The following TCF20 variants were observed in gnomAD, a reference collection of about 807,000 sequenced individuals.
TCF20 encodes SPRE-binding protein.
Under a neutral mutation model 148.6 loss-of-function variants are expected in TCF20, and 3 were observed. That is an observed-to-expected ratio of 0.02 (90% CI 0.01 to 0.05). The LOEUF is 0.05. Ranked by LOEUF, TCF20 falls within the 10% of genes least tolerant of loss-of-function variation. The pLI is 1.00. For synonymous variants in TCF20, 1,049 were observed against 909.5 expected (o/e 1.15, Z -2.76); for missense variants, 2,350 against 2,429.3 (o/e 0.97, Z 0.69).
Position 42,279,510 on chromosome 22 carries a change from A to G in TCF20, c.-37+4317T>C, listed in dbSNP as rs1307874273. ...ATAAAATAAGGAAGGACAGAGGGCA[A>G]TGTGACCTTCGGCAAGCTCCCTAAG... On this transcript the variant is annotated intron_variant, in intron 1 of 5. Transcript: ENST00000359486. The surrounding 1 kb of genome is among the most constrained non-coding windows in gnomAD (Gnocchi z 4.3). 6.6e-6 allele frequency among the ~76,000 whole-genome samples: 1 copy of G among 152,202 alleles called. No individual in the cohort carries two copies. Among genetic ancestry groups the G allele is most frequent in the East Asian group, 1.9e-4 (1 of 5,196 alleles).
intron 1 of TCF20, among the ~76,000 whole-genome samples, chr22:42,302,061 G>T (rs1057342141): frequency 6.6e-6 from 1 of 152,188 alleles, no homozygotes; most frequent in African/African-American, 2.4e-5. Flanking sequence ...CCACCTCTTA[G>T]CCCAGAGCAA....
At chr22:42,173,204 G>C (rs527564188) in intron 3 of TCF20, among the ~76,000 whole-genome samples, 2 of 147,576 alleles carry the variant, frequency 1.4e-5, no homozygotes, top group Admixed American at 1.3e-4. Flanking sequence ...TTTTTTTCTC[G>C]TCTTAATTGT....
intron 5 of TCF20, among the ~76,000 whole-genome samples, chr22:42,161,764 A>C (rs1313493601): frequency 1.3e-5 from 2 of 152,184 alleles, no homozygotes; most frequent in African/African-American, 4.8e-5. Flanking sequence ...CAATCTGTGG[A>C]AGAAACTTCT....
chr22:42,249,698 A>T lies in TCF20; in HGVS notation c.-37+20641T>A, dbSNP rs1428656949. Among the ~76,000 whole-genome samples the T allele has an allele frequency of 2.6e-5, 4 of 152,260 alleles. No individual in the cohort carries two copies. In the East Asian group the frequency reaches 7.7e-4, roughly 29 times the overall value. On this transcript the variant is annotated intron_variant, in intron 1 of 5. Coordinates refer to ENST00000677622, the MANE Select transcript of TCF20 (RefSeq NM_001378418.1). ...CTGGAGCAAGTGCTTTGAAGATCGC[A>T]GAAGTGAAAATACAGGCAAAAAATA...
At chr22:42,313,648 G>A (rs150702159) in intron 1 of TCF20, among the ~76,000 whole-genome samples, 1,977 of 136,916 alleles carry the variant, frequency 0.014, 41 homozygotes, top group African/African-American at 0.053. Flanking sequence ...CGCCCCAGCT[G>A]GAGTGCAGGG....
intron 3 of TCF20, among the ~76,000 whole-genome samples, chr22:42,172,326 G>T (rs999910436): frequency 1.3e-5 from 2 of 152,236 alleles, no homozygotes; most frequent in African/African-American, 4.8e-5. Flanking sequence ...AGCAGTAGGT[G>T]TAGTAAAACC....
At chr22:42,227,103 T>C (rs547568510) in intron 1 of TCF20, among the ~76,000 whole-genome samples, 1 of 152,212 alleles carries the variant, frequency 6.6e-6, no homozygotes, top group East Asian at 1.9e-4. Flanking sequence ...GCCATTACAG[T>C]GAAACCCCGT....
At chr22:42,280,963 C>T (rs1445976897) in intron 1 of TCF20, among the ~76,000 whole-genome samples, 1 of 152,170 alleles carries the variant, frequency 6.6e-6, no homozygotes, top group Non-Finnish European at 1.5e-5. Context: ...CAGGATTGAA[C>T]CCAGGCAGTC....
chr22:42,318,457 CG>C (rs1927674250), intron 1 of TCF20, among the ~76,000 whole-genome samples: 1 of 152,114 alleles, frequency 6.6e-6, no homozygotes, highest in Non-Finnish European at 1.5e-5. Context: ...TGCGGCGCAG[CG>C]GAACGGTAAA....
At chr22:42,295,261 C>G (rs1927211067) in intron 1 of TCF20, among the ~76,000 whole-genome samples, 1 of 152,102 alleles carries the variant, frequency 6.6e-6, no homozygotes, top group African/African-American at 2.4e-5. Context: ...CTAAACTCCT[C>G]TTTTGCTGCA....
In TCF20 at chr22:42,213,749, T is replaced by G. The variant is rs1420195548; in HGVS notation, c.1557A>C (p.Leu519Phe). The change falls in exon 2 of 6, where the codon TTA (leucine) becomes TTC (phenylalanine). Residue 519 changes from leucine (L) to phenylalanine (F), a missense_variant. Physicochemically the swap from Leu to Phe is conservative, Grantham distance 22. Transcript: ENST00000677622. Reference protein sequence around the residue: ...EQLKSPMAESLDGGCSSSSED... With the variant: ...EQLKSPMAESFDGGCSSSSED... The stretch of plus-strand genomic sequence containing the variant: ...CTGAACTGCTGGAGCAGCCTCCATC[T>G]AATGACTCTGCCATAGGGGACTTCA... 6 of 1,614,042 alleles carry G rather than the reference T, an allele frequency of 3.7e-6. No individual in the cohort carries two copies. The highest frequency in any genetic ancestry group is 2.7e-5 in the African/African-American group (2 of 74,936).
At chr22:42,310,148 G>A (rs1487805405) in intron 1 of TCF20, among the ~76,000 whole-genome samples, 1 of 152,254 alleles carries the variant, frequency 6.6e-6, no homozygotes, top group Non-Finnish European at 1.5e-5. Flanking sequence ...TCTAGGCAGA[G>A]GGAATTGTTT....
intron 1 of TCF20, among the ~76,000 whole-genome samples, chr22:42,264,808 A>G (rs2146987066): frequency 6.6e-6 from 1 of 152,268 alleles, no homozygotes; most frequent in Admixed American, 6.5e-5. Flanking sequence ...CCACCATCAC[A>G]TTTCCCATAC....
At chr22:42,288,596 C>G (rs1292360678), upstream of TCF20, among the ~76,000 whole-genome samples, 3 of 149,262 alleles carry the variant, frequency 2.0e-5, no homozygotes, top group Non-Finnish European at 4.4e-5. Context: ...CCCAGCTACT[C>G]GTGAGATTGA....
chr22:42,250,386 C>G (rs1480022780), intron 1 of TCF20, among the ~76,000 whole-genome samples: 5 of 141,910 alleles, frequency 3.5e-5, no homozygotes, highest in Non-Finnish European at 6.0e-5. Flanking sequence ...ACAAAGGTTG[C>G]AGTGAGCCGA....
intron 1 of TCF20, among the ~76,000 whole-genome samples, chr22:42,327,086 C>T (rs1056500804): frequency 2.6e-5 from 4 of 152,170 alleles, no homozygotes; most frequent in African/African-American, 4.8e-5. Context: ...CTCGCGGCAA[C>T]GATGAGGCGA....
At chr22:42,248,429 G>C (rs1925097955) in intron 1 of TCF20, among the ~76,000 whole-genome samples, 1 of 152,132 alleles carries the variant, frequency 6.6e-6, no homozygotes, top group African/African-American at 2.4e-5. Context: ...TGACTTTATT[G>C]GGTTATTCTG....
At chr22:42,220,214 G>C (rs1316130359) in intron 1 of TCF20, among the ~76,000 whole-genome samples, 1 of 152,118 alleles carries the variant, frequency 6.6e-6, no homozygotes, top group African/African-American at 2.4e-5. Context: ...TGTTGCCCAG[G>C]CTGGAGTGCA....
At chr22:42,171,143 GCA>G in intron 3 of TCF20, among the ~76,000 whole-genome samples, 1 of 152,342 alleles carries the variant, frequency 6.6e-6, no homozygotes, top group Non-Finnish European at 1.5e-5. Flanking sequence ...CAAGGGTAGT[GCA>G]TGGATCAGGG....
Sources: allele counts gnomAD v4.1 joint callset (sites outside exome capture counted in the v4.1 genomes callset), GRCh38; gene constraint gnomAD v4.1.1; non-coding constraint Gnocchi (gnomAD v3.1); transcripts MANE v1.5; gene names NCBI Gene and HGNC (gene_info 2026-07-23, HGNC 2026-07-21).